CADM1: variants seen among roughly 807,000 people sequenced by gnomAD.
CADM1 encodes TSLC-1.
In CADM1, 15 loss-of-function variants were observed where a neutral mutation model predicts 53.1. That is an observed-to-expected ratio of 0.28 (90% CI 0.19 to 0.44). The LOEUF is 0.44. CADM1 is among the 20% of genes least tolerant of loss of function. CADM1 has a pLI of 1.00. For missense variants in CADM1, 434 were observed against 611.3 expected (o/e 0.71, Z 3.06); for synonymous variants, 281 against 243.0 (o/e 1.16, Z -1.45).
intron 1 of CADM1, among the ~76,000 whole-genome samples, chr11:115,499,268 A>G (rs1949684120): frequency 6.6e-6 from 1 of 152,204 alleles, no homozygotes; most frequent in South Asian, 2.1e-4. Flanking sequence ...AAGACAAATA[A>G]AAAACTGTAG....
At chr11:115,250,913 A>G (rs1311688977) in intron 1 of CADM1, among the ~76,000 whole-genome samples, 1 of 152,226 alleles carries the variant, frequency 6.6e-6, no homozygotes, top group Non-Finnish European at 1.5e-5. Flanking sequence ...CTATATTAAT[A>G]AGGTAGCTGA....
At chr11:115,332,434 G>A (rs1057133995) in intron 1 of CADM1, among the ~76,000 whole-genome samples, 4 of 152,176 alleles carry the variant, frequency 2.6e-5, no homozygotes, top group Non-Finnish European at 4.4e-5. Context: ...AAAGAACTAC[G>A]AGATCTGGGT....
intron 1 of CADM1, among the ~76,000 whole-genome samples, chr11:115,298,762 A>T (rs1005013792): frequency 6.6e-6 from 1 of 152,144 alleles, no homozygotes; most frequent in South Asian, 2.1e-4. Context: ...CTCCCAACAC[A>T]CTTTAATTAG....
At chr11:115,419,354 A>G (rs1947696004) in intron 1 of CADM1, among the ~76,000 whole-genome samples, 1 of 152,226 alleles carries the variant, frequency 6.6e-6, no homozygotes, top group Non-Finnish European at 1.5e-5. Flanking sequence ...TAACTTTAGA[A>G]AACATTTCTT....
chr11:115,340,445 G>A, intron 1 of CADM1, among the ~76,000 whole-genome samples: 1 of 148,238 alleles, frequency 6.7e-6, no homozygotes, highest in Non-Finnish European at 1.5e-5. Context: ...AATTGGCAAT[G>A]CTAAGAGTTT....
At chr11:115,343,475 C>T (rs766546648) in intron 1 of CADM1, among the ~76,000 whole-genome samples, 1 of 151,970 alleles carries the variant, frequency 6.6e-6, no homozygotes, top group African/African-American at 2.4e-5. Flanking sequence ...AGATTTAAAC[C>T]TAGACAGTCT....
At chr11:115,241,314 T>A (rs912974928) in intron 1 of CADM1, among the ~76,000 whole-genome samples, 2 of 152,198 alleles carry the variant, frequency 1.3e-5, no homozygotes, top group Non-Finnish European at 2.9e-5. Flanking sequence ...AATTCTCCAG[T>A]GTTCAATGTC....
intron 5 of CADM1, 48 bp from the exon 6 acceptor site, chr11:115,218,039 A>G (rs1941260709): frequency 1.5e-6 from 2 of 1,355,984 alleles, no homozygotes; most frequent in Non-Finnish European, 2.1e-6. Context: ...TGATATCATC[A>G]GGCAAAATCA....
rs1256830534 is a variant in CADM1 at position 115,169,634 on chromosome 11, G to A, written c.*6840C>T. The A allele has an allele frequency of 4.4e-6, 2 of 456,532 alleles. No individual in the cohort carries two copies. Among genetic ancestry groups the A allele is most frequent in the Non-Finnish European group, 8.8e-6 (2 of 226,938 alleles). 28.3% of individuals were successfully genotyped at this position (456,532 alleles called of 1,614,324 possible). ...AGGTTAGAGAAAACAGGCCTAGAGAGAGGGAGAGAAAGAGAAAGAGAGAGA... is the reference window on the plus strand; with the variant it reads ...AGGTTAGAGAAAACAGGCCTAGAGAAAGGGAGAGAAAGAGAAAGAGAGAGA... On this transcript the variant is annotated 3_prime_UTR_variant, in exon 12 of 12. Transcript: ENST00000331581.
intron 10 of CADM1, among the ~76,000 whole-genome samples, chr11:115,185,315 T>C (rs1939492211): frequency 6.6e-6 from 1 of 152,214 alleles, no homozygotes; most frequent in South Asian, 2.1e-4. Context: ...CATGGTAAGA[T>C]GCCCAATAAA....
rs190920498 is a variant in CADM1, at chr11:115,192,230, G to A, written c.1112-1289C>T. On this transcript the variant is annotated intron_variant, in intron 9 of 11. Transcript: ENST00000331581. Reference sequence around the variant, plus strand: ...GAACATTGATAGCCAGGTCAATTCTGTGAAAGACGGCTGTCACACCATCAA... The same window carrying A: ...GAACATTGATAGCCAGGTCAATTCTATGAAAGACGGCTGTCACACCATCAA... Among the ~76,000 whole-genome samples, 22 of 152,332 alleles carry A rather than the reference G, an allele frequency of 1.4e-4. No homozygotes were observed. In the East Asian group the frequency reaches 4.2e-3, roughly 29 times the overall value.
At chr11:115,302,594 C>T (rs1035431878) in intron 1 of CADM1, among the ~76,000 whole-genome samples, 1 of 151,936 alleles carries the variant, frequency 6.6e-6, no homozygotes, top group Admixed American at 6.6e-5. Flanking sequence ...TATTTATTTT[C>T]TCATTCTAAA....
chr11:115,224,499 A>G (rs561950781), intron 5 of CADM1, among the ~76,000 whole-genome samples: 2 of 152,206 alleles, frequency 1.3e-5, no homozygotes, highest in East Asian at 1.9e-4. Flanking sequence ...CTCATCTCTG[A>G]GTTTTCTTTC....
At chr11:115,280,238 T>C (rs996706634) in intron 1 of CADM1, among the ~76,000 whole-genome samples, 1 of 152,158 alleles carries the variant, frequency 6.6e-6, no homozygotes, top group Non-Finnish European at 1.5e-5. Flanking sequence ...TATACCATCT[T>C]TTCTTTGACT....
At chr11:115,381,659 A>C (rs1002806997) in intron 1 of CADM1, among the ~76,000 whole-genome samples, 1 of 152,284 alleles carries the variant, frequency 6.6e-6, no homozygotes, top group Non-Finnish European at 1.5e-5. Context: ...AAGAGAAACC[A>C]TATGTAAACT....
intron 1 of CADM1, among the ~76,000 whole-genome samples, chr11:115,252,872 C>A (rs1199437898): frequency 6.6e-6 from 1 of 152,138 alleles, no homozygotes; most frequent in Admixed American, 6.5e-5. Context: ...AAATAAATGA[C>A]AAATTGCACA....
chr11:115,464,614 A>T (rs10891858), intron 1 of CADM1, among the ~76,000 whole-genome samples: 37,981 of 152,152 alleles, frequency 0.25, 5,348 homozygotes, highest in East Asian at 0.52. Flanking sequence ...TACAGAAACC[A>T]GTGTAAAGCT....
At chr11:115,469,654 T>C (rs1948967800) in intron 1 of CADM1, among the ~76,000 whole-genome samples, 1 of 146,882 alleles carries the variant, frequency 6.8e-6, no homozygotes, top group Admixed American at 7.0e-5. Flanking sequence ...AACCATACTA[T>C]CCTCAACTTC....
chr11:115,214,614 C>T lies in CADM1; in HGVS notation c.988G>A (p.Val330Ile). ...GKAHSDYMLY[V>I]YDPPTTIPPP... Reference sequence around the variant, plus strand: ...ATTTTATCTTCTCACGTACCGTATACATACAGCATATAATCCGAGTGAGCT... The same window carrying T: ...ATTTTATCTTCTCACGTACCGTATATATACAGCATATAATCCGAGTGAGCT... Residue 330 changes from valine to isoleucine, a missense_variant, in exon 7 of 12, where the codon GTA becomes ATA. By Grantham distance (29) the Val-to-Ile change is conservative (BLOSUM62 3). Around this residue, in one of 4 missense-constraint regions of CADM1, gnomAD observed 311 missense variants for 435.1 expected, o/e 0.71. Transcript: ENST00000331581. 6.2e-7 allele frequency: 1 copy of T among 1,613,708 alleles called. No homozygotes were observed. The highest frequency in any genetic ancestry group is 8.5e-7 in the Non-Finnish European group (1 of 1,179,638).
Sources: allele counts gnomAD v4.1 joint callset (sites outside exome capture counted in the v4.1 genomes callset), GRCh38; gene constraint gnomAD v4.1.1; regional missense constraint gnomAD v4.1.1; transcripts MANE v1.5; gene names NCBI Gene and HGNC (gene_info 2026-07-23, HGNC 2026-07-21).